PDE4D: variants seen among roughly 807,000 people sequenced by gnomAD.
PDE4D encodes phosphodiesterase 4D.
Under a neutral mutation model 87.4 loss-of-function variants are expected in PDE4D, and 24 were observed. The observed-to-expected ratio is 0.27, with a 90% CI of 0.20 to 0.39. The LOEUF (loss-of-function observed/expected upper bound fraction) is 0.39, where lower values mean the gene tolerates loss of function less well. Among genes scored for constraint, PDE4D ranks in the 10% least tolerant of loss-of-function variants. The pLI, the probability that PDE4D is intolerant of heterozygous loss-of-function variation, is 1.00. For missense variants in PDE4D, 714 were observed against 1,041.0 expected (o/e 0.69, Z 4.32); for synonymous variants, 384 against 383.2 (o/e 1.00, Z -0.02).
intron 5 of PDE4D, among the ~76,000 whole-genome samples, chr5:59,083,882 T>C (rs1289931793): frequency 2.6e-5 from 4 of 152,196 alleles, no homozygotes; most frequent in African/African-American, 4.8e-5. Flanking sequence ...ATTTAAGAAC[T>C]AGGAGTTTCT....
chr5:59,075,768 T>C (rs13178315), intron 5 of PDE4D, among the ~76,000 whole-genome samples: 50,714 of 151,930 alleles, frequency 0.33, 9,202 homozygotes, highest in East Asian at 0.72. Context: ...TATTGTCTTT[T>C]AGAATACTGT....
chr5:60,232,439 T>A (rs1745926792), intron 1 of PDE4D, among the ~76,000 whole-genome samples: 1 of 151,854 alleles, frequency 6.6e-6, no homozygotes, highest in African/African-American at 2.4e-5. Flanking sequence ...TCAGTAATAA[T>A]TCTCCTGGCA....
intron 3 of PDE4D, among the ~76,000 whole-genome samples, chr5:59,984,734 T>C (rs1762246638): frequency 6.6e-6 from 1 of 152,188 alleles, no homozygotes; most frequent in South Asian, 2.1e-4. Flanking sequence ...AAACTAATGA[T>C]TCTCAGGGCC....
At chr5:60,049,522 G>A (rs1468638991) in intron 2 of PDE4D, among the ~76,000 whole-genome samples, 2 of 152,154 alleles carry the variant, frequency 1.3e-5, no homozygotes, top group Non-Finnish European at 1.5e-5. Flanking sequence ...CTTTGATGAT[G>A]GTGATGTACA....
At chr5:59,981,246 C>G (rs1456170660) in intron 3 of PDE4D, among the ~76,000 whole-genome samples, 3 of 151,834 alleles carry the variant, frequency 2.0e-5, no homozygotes, top group Non-Finnish European at 4.4e-5. Context: ...AGCAAGACTC[C>G]GTTTCAAAAA....
intron 2 of PDE4D, among the ~76,000 whole-genome samples, chr5:60,054,553 A>T (rs757312687): frequency 6.6e-6 from 1 of 152,120 alleles, no homozygotes; most frequent in Non-Finnish European, 1.5e-5. Flanking sequence ...TAGGGGAGGG[A>T]TAGCATTAGG....
chr5:59,644,630 C>T (rs967832414), intron 1 of PDE4D, among the ~76,000 whole-genome samples: 5 of 152,214 alleles, frequency 3.3e-5, no homozygotes, highest in Admixed American at 2.6e-4. Flanking sequence ...GTTCTCATCA[C>T]ATTTATTTCA....
chr5:60,441,801 A>T (rs1745236071), intron 1 of PDE4D, among the ~76,000 whole-genome samples: 1 of 152,230 alleles, frequency 6.6e-6, no homozygotes, highest in Non-Finnish European at 1.5e-5. Context: ...CACTTCTCAA[A>T]AGAAGACATT....
At chr5:60,503,694 T>C (rs1750200213) in intron 1 of PDE4D, among the ~76,000 whole-genome samples, 1 of 152,176 alleles carries the variant, frequency 6.6e-6, no homozygotes, top group Admixed American at 6.5e-5. Flanking sequence ...TTTCTCCTGC[T>C]TTTGTCTTAT....
chr5:59,171,858 CAT>C (rs1474151465), intron 5 of PDE4D, among the ~76,000 whole-genome samples: 12 of 126,226 alleles, frequency 9.5e-5, no homozygotes, highest in Non-Finnish European at 4.8e-5. Flanking sequence ...TTATAATAAA[CAT>C]ATATATTTAT....
At chr5:60,273,981 A>T (rs901519774) in intron 1 of PDE4D, among the ~76,000 whole-genome samples, 2 of 152,158 alleles carry the variant, frequency 1.3e-5, no homozygotes, top group African/African-American at 4.8e-5. Context: ...ATGAAACAAG[A>T]TGTGATGCTC....
chr5:59,376,455 T>C (rs1784749460), intron 1 of PDE4D, among the ~76,000 whole-genome samples: 1 of 151,842 alleles, frequency 6.6e-6, no homozygotes, highest in Non-Finnish European at 1.5e-5. Context: ...AAGAATAAAA[T>C]ACCTAGGAAT....
At chr5:59,334,309 A>G (rs1582017337) in intron 1 of PDE4D, among the ~76,000 whole-genome samples, 1 of 123,542 alleles carries the variant, frequency 8.1e-6, no homozygotes, top group African/African-American at 3.2e-5. Flanking sequence ...CCCAGGCTGG[A>G]GTGCAATGGC....
At chr5:59,992,506 A>G (rs1279905222) in intron 2 of PDE4D, among the ~76,000 whole-genome samples, 1 of 152,216 alleles carries the variant, frequency 6.6e-6, no homozygotes, top group African/African-American at 2.4e-5. Flanking sequence ...CTGGATGAAC[A>G]TAGAAAAGAA....
At chr5:59,000,091 T>G (rs914710729) in intron 6 of PDE4D, among the ~76,000 whole-genome samples, 5 of 152,164 alleles carry the variant, frequency 3.3e-5, no homozygotes, top group Non-Finnish European at 1.5e-5. Flanking sequence ...GGAGGCTTTC[T>G]CCTCACCCGA....
At position 59,698,469 on chromosome 5, in the gene PDE4D, G is replaced by C. The variant is rs576820492; in HGVS notation, c.455+194699C>G. ...CCCAACATGAAGGGTCAAGCAGAAG[G>C]AAAGAGATCTGAAGCACCACCACAT... is the stretch of plus-strand genomic sequence containing the variant. On this transcript the variant is annotated intron_variant, in intron 1 of 14. Coordinates refer to ENST00000340635, the MANE Select transcript of PDE4D (RefSeq NM_001104631.2). Among the ~76,000 whole-genome samples, 29 of 151,682 alleles carry C rather than the reference G, an allele frequency of 1.9e-4. No individual in the cohort carries two copies. The South Asian group carries it at 5.9e-3, about 31-fold the overall frequency.
intron 2 of PDE4D, among the ~76,000 whole-genome samples, chr5:60,150,073 A>G (rs1280886338): frequency 6.7e-6 from 1 of 148,410 alleles, no homozygotes; most frequent in Non-Finnish European, 1.5e-5. Flanking sequence ...ATATATGACT[A>G]GTATATAGAA....
At chr5:60,181,109 A>C (rs1784342102) in intron 2 of PDE4D, among the ~76,000 whole-genome samples, 1 of 152,166 alleles carries the variant, frequency 6.6e-6, no homozygotes, top group Non-Finnish European at 1.5e-5. Flanking sequence ...AAAATGTACC[A>C]TCTTTTCTAA....
rs111710726 is a variant in PDE4D, at chr5:59,389,460, A to G, written c.456-173492T>C. Among the ~76,000 whole-genome samples the G allele has an allele frequency of 3.3e-3, 506 of 152,132 alleles. 2 individuals are homozygous for G. Among genetic ancestry groups the G allele is most frequent in the African/African-American group, 0.012 (484 of 41,544 alleles). On this transcript the variant is annotated intron_variant, in intron 1 of 14. Transcript: ENST00000340635. ...TAAAAGATTTTATTTGATGCTGGGAAGGGTGCTGGGAAAAGAGAACTCCTA... is the reference window on the plus strand; with the variant it reads ...TAAAAGATTTTATTTGATGCTGGGAGGGGTGCTGGGAAAAGAGAACTCCTA...
Sources: allele counts gnomAD v4.1 joint callset (sites outside exome capture counted in the v4.1 genomes callset), GRCh38; gene constraint gnomAD v4.1.1; transcripts MANE v1.5; gene names NCBI Gene and HGNC (gene_info 2026-07-23, HGNC 2026-07-21).